Variants in STARD13 observed in about 807,000 individuals in gnomAD.
STARD13 encodes the protein StAR related lipid transfer domain containing 13, also known as stAR-related lipid transfer protein 13.
Under a neutral mutation model 106.4 loss-of-function variants are expected in STARD13, and 62 were observed. The observed-to-expected ratio is 0.58, with a 90% confidence interval of 0.48 to 0.72. The LOEUF (loss-of-function observed/expected upper bound fraction) is 0.72, where lower values mean the gene tolerates loss of function less well. Ranked by LOEUF, STARD13 falls within the 30% of genes least tolerant of loss-of-function variation. STARD13 has a pLI of 0.00. For synonymous variants in STARD13, 565 were observed against 553.0 expected (o/e 1.02, Z -0.31); for missense variants, 1,387 against 1,424.0 (o/e 0.97, Z 0.42).
the STARD13 span, among the ~76,000 whole-genome samples, chr13:33,595,164 G>A: frequency 5.9e-5 from 9 of 152,198 alleles, no homozygotes; most frequent in African/African-American, 1.9e-4. Flanking sequence ...GTACTTCGGA[G>A]GTAACAGTAA....
chr13:33,414,047 A>AAAAGAAAG, the STARD13 span, among the ~76,000 whole-genome samples: 39 of 143,706 alleles, frequency 2.7e-4, no homozygotes, highest in African/African-American at 8.4e-4. Flanking sequence ...AAAAAAAAAA[A>AAAAGAAAG]AAAGAAAAGA....
chr13:33,357,563 AAAAAC>A, the STARD13 span, among the ~76,000 whole-genome samples: 2 of 152,222 alleles, frequency 1.3e-5, no homozygotes, highest in Non-Finnish European at 2.9e-5. Flanking sequence ...TACTCTTTAG[AAAAAC>A]AAAACAAAAC....
chr13:33,350,603 G>A (rs928421291), exon 1 of STARD13: 5 of 1,382,882 alleles, frequency 3.6e-6, no homozygotes, highest in South Asian at 3.2e-5. Context: ...GGGATGCCTG[G>A]CCACCAGAAA....
At chr13:33,443,304 G>C in the STARD13 span, among the ~76,000 whole-genome samples, 1 of 151,618 alleles carries the variant, frequency 6.6e-6, no homozygotes, top group Non-Finnish European at 1.5e-5. Flanking sequence ...TTGAACCCAG[G>C]AGGTGGAGCT....
chr13:33,481,067 G>A, the STARD13 span, among the ~76,000 whole-genome samples: 1 of 151,052 alleles, frequency 6.6e-6, no homozygotes, highest in Admixed American at 6.6e-5. Context: ...GCCACTAAAA[G>A]CAATAACAAC....
chr13:33,405,297 G>A, the STARD13 span, among the ~76,000 whole-genome samples: 2 of 152,190 alleles, frequency 1.3e-5, no homozygotes, highest in Non-Finnish European at 2.9e-5. Context: ...TCCACACTTC[G>A]CGTGCCCCTC....
At chr13:33,293,868 T>C (rs987424758) in intron 1 of STARD13, among the ~76,000 whole-genome samples, 1 of 152,204 alleles carries the variant, frequency 6.6e-6, no homozygotes, top group African/African-American at 2.4e-5. Flanking sequence ...CTCTCCTTGC[T>C]CCTCAGCTTG....
At chr13:33,261,902 G>C (rs112402243) in intron 1 of STARD13, among the ~76,000 whole-genome samples, 1 of 152,176 alleles carries the variant, frequency 6.6e-6, no homozygotes, top group Non-Finnish European at 1.5e-5. Flanking sequence ...TCGGAAGGCA[G>C]GGCAGCCCAT....
At chr13:33,590,103 C>G in the STARD13 span, among the ~76,000 whole-genome samples, 1 of 152,146 alleles carries the variant, frequency 6.6e-6, no homozygotes, top group African/African-American at 2.4e-5. Flanking sequence ...AAAAAATGCT[C>G]ATCATTAGTG....
At chr13:33,344,201 A>G (rs374928109), downstream of STARD13, among the ~76,000 whole-genome samples, 21 of 104,898 alleles carry the variant, frequency 2.0e-4, no homozygotes, top group African/African-American at 8.2e-4. Context: ...AGTACTTCTG[A>G]AAGGCTCCAA....
the STARD13 span, among the ~76,000 whole-genome samples, chr13:33,392,764 A>G: frequency 1.3e-4 from 20 of 152,332 alleles, no homozygotes; most frequent in East Asian, 3.5e-3. Flanking sequence ...GAAGAGAAAT[A>G]TCTTCTTAAT....
upstream of STARD13, among the ~76,000 whole-genome samples, chr13:33,286,387 G>A (rs1379745034): frequency 6.6e-6 from 1 of 152,268 alleles, no homozygotes; most frequent in African/African-American, 2.4e-5. Context: ...CACGCGTTAC[G>A]TATTAAGCAT....
chr13:33,239,388 T>C (rs1487013605), intron 1 of STARD13, among the ~76,000 whole-genome samples: 3 of 152,198 alleles, frequency 2.0e-5, no homozygotes, highest in Non-Finnish European at 4.4e-5. Flanking sequence ...TTTAGAGATA[T>C]ACTAAGAAGT....
chr13:33,488,018 A>G, the STARD13 span, among the ~76,000 whole-genome samples: 3 of 152,204 alleles, frequency 2.0e-5, no homozygotes, highest in South Asian at 6.2e-4. Context: ...TGGTGATACC[A>G]TTCTTCCTTG....
chr13:33,262,682 C>G (rs9652167), intron 1 of STARD13, among the ~76,000 whole-genome samples: 6 of 148,666 alleles, frequency 4.0e-5, no homozygotes, highest in African/African-American at 1.5e-4. Context: ...CACACACACA[C>G]ACACACACCC....
rs554385163 is a variant in STARD13, at chr13:33,285,203, G to A, written c.169+267C>T. On this transcript the variant is annotated intron_variant, in intron 1 of 13. Transcript: ENST00000336934. Reference sequence around the variant, plus strand: ...CTGAGTAACAGTTCTCATCTGTTCTGTAGACACACGTCAGTTTGGGAATTT... The same window carrying A: ...CTGAGTAACAGTTCTCATCTGTTCTATAGACACACGTCAGTTTGGGAATTT... 3.9e-5 allele frequency among the ~76,000 whole-genome samples: 6 copies of A among 152,272 alleles called. No individual in the cohort carries two copies. The South Asian group carries it at 1.0e-3, about 26-fold the overall frequency.
At chr13:33,141,264 G>A (rs989717286) in intron 4 of STARD13, among the ~76,000 whole-genome samples, 1 of 152,172 alleles carries the variant, frequency 6.6e-6, no homozygotes, top group Admixed American at 6.5e-5. Flanking sequence ...AGACACCTCC[G>A]AGGTAGAAAC....
At chr13:33,496,376 C>A in the STARD13 span, among the ~76,000 whole-genome samples, 1 of 151,370 alleles carries the variant, frequency 6.6e-6, no homozygotes, top group Non-Finnish European at 1.5e-5. Context: ...GCAGCTAACA[C>A]TGCCTCATTA....
rs775791747 is a variant in STARD13, at chr13:33,204,153, T to C, written c.170-36531A>G. On this transcript the variant is annotated intron_variant, in intron 1 of 13. Coordinates refer to ENST00000336934, the MANE Select transcript of STARD13 (RefSeq NM_178006.4). ...CTGTCAGAAGCTGGCAAAATTCTTT[T>C]ACACATTAGAAAAACAGGTGCGGAT... Among the ~76,000 whole-genome samples the C allele has an allele frequency of 4.6e-4, 70 of 152,228 alleles. 1 individual carries two copies. Among genetic ancestry groups the C allele is most frequent in the Non-Finnish European group, 9.3e-4 (63 of 68,034 alleles).
Sources: allele counts gnomAD v4.1 joint callset (sites outside exome capture counted in the v4.1 genomes callset), GRCh38; gene constraint gnomAD v4.1.1; transcripts MANE v1.5; gene names NCBI Gene and HGNC (gene_info 2026-07-23, HGNC 2026-07-21).